Variants in XPO6 observed in about 807,000 individuals in gnomAD.
XPO6 encodes the protein exportin-6.
In XPO6, 3 loss-of-function variants were observed where a neutral mutation model predicts 130.0. That is an observed-to-expected ratio of 0.02 (90% CI 0.01 to 0.06). The LOEUF is 0.06. Among genes scored for constraint, XPO6 ranks in the 10% least tolerant of loss-of-function variants. The pLI is 1.00. For synonymous variants in XPO6, 524 were observed against 548.9 expected (o/e 0.95, Z 0.63); for missense variants, 970 against 1,393.0 (o/e 0.70, Z 4.83).
chr16:28,201,728 C>T (rs1436939651), intron 1 of XPO6, among the ~76,000 whole-genome samples: 1 of 152,080 alleles, frequency 6.6e-6, no homozygotes, highest in Non-Finnish European at 1.5e-5. Context: ...TGGCAGCATG[C>T]ACCTGTAGTC....
chr16:28,166,152 T>G (rs148236157), intron 6 of XPO6, among the ~76,000 whole-genome samples: 3 of 152,080 alleles, frequency 2.0e-5, no homozygotes, highest in Non-Finnish European at 4.4e-5. Flanking sequence ...GCACTCAATA[T>G]TCCTGTTCCT....
chr16:28,159,519 G>A (rs1286827413), intron 6 of XPO6, among the ~76,000 whole-genome samples: 1 of 152,140 alleles, frequency 6.6e-6, no homozygotes, highest in African/African-American at 2.4e-5. Flanking sequence ...TCTTCTCAAG[G>A]AGGATAACAG....
At chr16:28,102,842 C>T (rs1300192534) in intron 21 of XPO6, among the ~76,000 whole-genome samples, 1 of 152,110 alleles carries the variant, frequency 6.6e-6, no homozygotes, top group African/African-American at 2.4e-5. Context: ...TAGAAAGTGA[C>T]CATGGGGGCA....
At chr16:28,165,651 A>G (rs1278652654) in intron 6 of XPO6, among the ~76,000 whole-genome samples, 1 of 152,196 alleles carries the variant, frequency 6.6e-6, no homozygotes, top group Non-Finnish European at 1.5e-5. Flanking sequence ...GCTACATAAA[A>G]CAGCTTGGGC....
rs777314888 is a variant in XPO6 at position 28,121,746 on chromosome 16, G to C, written c.1783C>G (p.Leu595Val). ...TVVERLVKVT[L>V]YGSQIKLYNI... ...TACAATTTTATCTGAGATCCGTACA[G>C]AGTGACTTTGACCAACCTGTTGGCA... The change falls in exon 14 of 24, where the codon CTG (leucine) becomes GTG (valine). Residue 595 changes from leucine (L) to valine (V), a missense_variant. Physicochemically the swap from Leu to Val is conservative, Grantham distance 32. Around this residue, in one of 4 missense-constraint regions of XPO6, gnomAD observed 936 missense variants for 1,306.8 expected, o/e 0.72. Transcript: ENST00000304658. The C allele has an allele frequency of 1.1e-5, 18 of 1,613,658 alleles. 1 individual carries two copies. In the Admixed American group the frequency reaches 1.3e-4, roughly 12 times the overall value.
At chr16:28,200,739 ACAC>A (rs2043941329) in intron 1 of XPO6, among the ~76,000 whole-genome samples, 1 of 152,146 alleles carries the variant, frequency 6.6e-6, no homozygotes, top group Non-Finnish European at 1.5e-5. Context: ...GATGAAGAGA[ACAC>A]TAGGTAACTT....
Position 28,149,058 on chromosome 16 carries a change from TA to T in XPO6, c.1225-2856del, listed in dbSNP as rs71389526. Among the ~76,000 whole-genome samples the T allele has an allele frequency of 6.5e-3, 691 of 107,060 alleles. 7 individuals carry two copies. Among genetic ancestry groups the T allele is most frequent in the African/African-American group, 0.022 (623 of 28,346 alleles). The allele number at this position is 107,060 out of a possible 152,430, so 70.2% of individuals were successfully genotyped here. On this transcript the variant is annotated intron_variant, in intron 8 of 23. Transcript: ENST00000304658. The stretch of plus-strand genomic sequence containing the variant: ...ACTCTGTCTCCAAAAAAAAAGAAAA[TA>T]AAAAAAAAAAAAAACAAAAGGAAGG...
intron 2 of XPO6, among the ~76,000 whole-genome samples, chr16:28,177,768 C>T (rs1342939092): frequency 5.9e-5 from 9 of 151,960 alleles, no homozygotes; most frequent in South Asian, 2.1e-4. Flanking sequence ...CACAAAATGA[C>T]GGCTAGAAAG....
chr16:28,175,694 T>C (rs1459227562), intron 4 of XPO6, among the ~76,000 whole-genome samples: 2 of 152,104 alleles, frequency 1.3e-5, no homozygotes, highest in East Asian at 3.9e-4. Flanking sequence ...AAAAAGAGAT[T>C]AAGTTTTTCT....
intron 7 of XPO6, 139 bp downstream of exon 7, chr16:28,155,935 C>T: frequency 7.0e-7 from 1 of 1,430,430 alleles, no homozygotes; most frequent in East Asian, 2.5e-5. Context: ...GACTTACTGG[C>T]ACACACCTAC....
At chr16:28,150,488 G>A (rs1349813893) in intron 8 of XPO6, among the ~76,000 whole-genome samples, 1 of 152,132 alleles carries the variant, frequency 6.6e-6, no homozygotes, top group Non-Finnish European at 1.5e-5. Context: ...TGAGGAAACT[G>A]AAATCTAAGT....
chr16:28,098,482 G>T lies in XPO6; in HGVS notation c.*56C>A. The T allele has an allele frequency of 6.7e-7, 1 of 1,485,686 alleles. No homozygotes were observed. The highest frequency in any genetic ancestry group is 9.3e-7 in the Non-Finnish European group (1 of 1,077,664). The allele number at this position is 1,485,686 out of a possible 1,614,324, so 92.0% of individuals were successfully genotyped here. ...ATCTGGGAGACATCTGTGGTGGAAG[G>T]TAGGGCTGGCGCAGGTGGCAGCAGC... On this transcript the variant is annotated 3_prime_UTR_variant, in exon 24 of 24. Transcript: ENST00000304658.
intron 4 of XPO6, among the ~76,000 whole-genome samples, chr16:28,171,083 T>G (rs1277823373): frequency 6.6e-6 from 1 of 152,026 alleles, no homozygotes; most frequent in East Asian, 1.9e-4. Context: ...TTTTTTTTTT[T>G]TTTTACTTAA....
At chr16:28,201,672 C>T (rs1270633757) in intron 1 of XPO6, among the ~76,000 whole-genome samples, 2 of 152,068 alleles carry the variant, frequency 1.3e-5, no homozygotes, top group Admixed American at 6.6e-5. Context: ...CTGGCTAACA[C>T]GGTGAAACCC....
At chr16:28,141,228 G>A (rs1483318716) in intron 9 of XPO6, among the ~76,000 whole-genome samples, 1 of 152,166 alleles carries the variant, frequency 6.6e-6, no homozygotes, top group Non-Finnish European at 1.5e-5. Context: ...TTGGTTTGTG[G>A]CCAGCACTTG....
chr16:28,208,403 T>C (rs998858121), intron 1 of XPO6, among the ~76,000 whole-genome samples: 3 of 152,318 alleles, frequency 2.0e-5, no homozygotes, highest in South Asian at 2.1e-4. Context: ...ACCCTCCGCC[T>C]GTAAGACACC....
Position 28,101,272 on chromosome 16 carries a change from A to T in XPO6, c.3276+186T>A. The stretch of plus-strand genomic sequence containing the variant: ...CGTGCTACAGACACCAAGACTGGGG[A>T]AAAGGCTGTGCCCCTCAATCAGGCT... On this transcript the variant is annotated intron_variant, in intron 23 of 23. Transcript: ENST00000304658. This position sits in a 1 kb window ranked among gnomAD's most constrained non-coding sequence, Gnocchi z 5.4. 1.5e-6 allele frequency: 1 copy of T among 677,820 alleles called. No homozygotes were observed. The highest frequency in any genetic ancestry group is 2.7e-6 in the Non-Finnish European group (1 of 372,528). 42.0% of individuals were successfully genotyped at this position (677,820 alleles called of 1,614,324 possible). A position where few individuals can be genotyped will look rare whatever the true frequency, so the allele number is the denominator to read the frequency against.
At position 28,162,641 on chromosome 16, in the gene XPO6, A is replaced by G. The variant is rs1289775484; in HGVS notation, c.643+3867T>C. On this transcript the variant is annotated intron_variant, in intron 6 of 23. Coordinates refer to ENST00000304658, the MANE Select transcript of XPO6 (RefSeq NM_015171.4). ...CAGTGATGCAATCATGGCTCACTGC[A>G]GCCTCAACCTCCTGGACTCAAGCCA... 2.7e-5 allele frequency among the ~76,000 whole-genome samples: 4 copies of G among 149,556 alleles called. No homozygotes were observed. The Admixed American group carries it at 2.7e-4, about 10-fold the overall frequency.
intron 21 of XPO6, among the ~76,000 whole-genome samples, chr16:28,103,517 G>T (rs901345833): frequency 6.6e-6 from 1 of 152,214 alleles, no homozygotes; most frequent in African/African-American, 2.4e-5. Flanking sequence ...AGACTGCTAG[G>T]TCATACAGTA....
Sources: allele counts gnomAD v4.1 joint callset (sites outside exome capture counted in the v4.1 genomes callset), GRCh38; gene constraint gnomAD v4.1.1; regional missense constraint gnomAD v4.1.1; non-coding constraint Gnocchi (gnomAD v3.1); transcripts MANE v1.5; gene names NCBI Gene and HGNC (gene_info 2026-07-23, HGNC 2026-07-21).